The following PLD1 variants were observed in gnomAD, a reference collection of about 807,000 sequenced individuals.
PLD1 encodes the protein phospholipase D1.
PLD1 carries 112 observed loss-of-function variants against 137.1 expected under a neutral mutation model. The observed-to-expected ratio is 0.82, with a 90% CI of 0.70 to 0.96. PLD1 has a LOEUF of 0.96. Among genes scored for constraint, PLD1 ranks in the 40% least tolerant of loss-of-function variants. The pLI, the probability that PLD1 is intolerant of heterozygous loss-of-function variation, is 0.00. For missense variants in PLD1, 1,321 were observed against 1,342.0 expected (o/e 0.98, Z 0.24); for synonymous variants, 431 against 454.7 (o/e 0.95, Z 0.66).
At chr3:171,648,716 G>A (rs1055198620) in intron 21 of PLD1, among the ~76,000 whole-genome samples, 6 of 151,932 alleles carry the variant, frequency 3.9e-5, no homozygotes, top group South Asian at 2.1e-4. Flanking sequence ...CACCACGCCC[G>A]GCTAATTTTT....
intron 1 of PLD1, among the ~76,000 whole-genome samples, chr3:171,746,282 C>T (rs1212917529): frequency 2.0e-5 from 3 of 152,206 alleles, no homozygotes; most frequent in African/African-American, 7.2e-5. Context: ...GCGGGACTGG[C>T]GGGCAGCTCA....
intron 1 of PLD1, among the ~76,000 whole-genome samples, chr3:171,742,450 C>T (rs750353399): frequency 1.3e-5 from 2 of 151,784 alleles, no homozygotes; most frequent in South Asian, 2.1e-4. Context: ...AACATAGTTA[C>T]GATTTACTTA....
chr3:171,738,139 T>C (rs1371743487), intron 1 of PLD1, 57 bp from the exon 2 acceptor site: 3 of 1,040,824 alleles, frequency 2.9e-6, no homozygotes, highest in Non-Finnish European at 4.2e-6. Context: ...TAAAATGCTA[T>C]TCCACAATTT....
intron 8 of PLD1, among the ~76,000 whole-genome samples, chr3:171,722,741 G>T (rs1016872250): frequency 4.6e-5 from 7 of 152,120 alleles, no homozygotes; most frequent in Non-Finnish European, 2.9e-5. Flanking sequence ...CAATGCGATG[G>T]TTTTTAGCAT....
intron 21 of PLD1, among the ~76,000 whole-genome samples, chr3:171,649,164 G>A (rs1736516215): frequency 6.6e-6 from 1 of 151,932 alleles, no homozygotes; most frequent in South Asian, 2.1e-4. Flanking sequence ...GTATGATATT[G>A]AGAAATGTCC....
At chr3:171,675,462 T>C (rs868445560) in intron 18 of PLD1, among the ~76,000 whole-genome samples, 1 of 152,350 alleles carries the variant, frequency 6.6e-6, no homozygotes, top group Middle Eastern at 3.4e-3. Flanking sequence ...AAATAGTTTT[T>C]CTGGATCAAA....
In PLD1 at chr3:171,603,067, A is replaced by G. The variant is rs1304368752; in HGVS notation, c.*11T>C. On this transcript the variant is annotated 3_prime_UTR_variant, in exon 27 of 27. Transcript: ENST00000351298. ...CAGGGTGGAAGTCTTTGAGCTGCCA[A>G]TGAATATCTCTTAAGTCCAAACCTC... 5.0e-6 allele frequency: 8 copies of G among 1,596,930 alleles called. No individual in the cohort carries two copies. The South Asian group carries it at 5.5e-5, about 11-fold the overall frequency.
At chr3:171,738,847 T>C (rs1046968853) in intron 1 of PLD1, among the ~76,000 whole-genome samples, 2 of 152,222 alleles carry the variant, frequency 1.3e-5, no homozygotes, top group African/African-American at 4.8e-5. Context: ...ATGGATATTA[T>C]TTTTCATGTA....
At chr3:171,745,880 AG>A (rs778904328) in intron 1 of PLD1, among the ~76,000 whole-genome samples, 16 of 151,306 alleles carry the variant, frequency 1.1e-4, no homozygotes, top group Non-Finnish European at 1.5e-4. Context: ...GCTTGCAGGG[AG>A]GTGTGGAGGG....
chr3:171,730,646 C>CTTTTTTTTTT (rs35101789), intron 6 of PLD1, among the ~76,000 whole-genome samples: 28,493 of 133,418 alleles, frequency 0.21, 3,779 homozygotes, highest in Non-Finnish European at 0.27. Context: ...TCTATCTCCA[C>CTTTTTTTTTT]TTTTTTTTTT....
intron 1 of PLD1, among the ~76,000 whole-genome samples, chr3:171,745,887 G>A (rs1720120234): frequency 6.6e-6 from 1 of 152,050 alleles, no homozygotes; most frequent in Admixed American, 6.5e-5. Flanking sequence ...GGGAGGTGTG[G>A]AGGGAGAGAC....
chr3:171,632,797 G>A (rs1734785452), intron 23 of PLD1, among the ~76,000 whole-genome samples: 1 of 152,116 alleles, frequency 6.6e-6, no homozygotes, highest in African/African-American at 2.4e-5. Flanking sequence ...GCAGCTTGAA[G>A]GTTTAGGACA....
At chr3:171,804,486 T>C (rs1350453671) in intron 1 of PLD1, among the ~76,000 whole-genome samples, 1 of 152,246 alleles carries the variant, frequency 6.6e-6, no homozygotes, top group African/African-American at 2.4e-5. Flanking sequence ...AGTTCACATC[T>C]ATTGTACACT....
At chr3:171,669,581 T>C (rs1712532527) in intron 19 of PLD1, among the ~76,000 whole-genome samples, 1 of 152,210 alleles carries the variant, frequency 6.6e-6, no homozygotes. Context: ...TTTGTATTTT[T>C]AGTAGGACGG....
intron 1 of PLD1, among the ~76,000 whole-genome samples, chr3:171,740,930 T>C (rs1367632508): frequency 2.6e-5 from 4 of 152,236 alleles, no homozygotes; most frequent in African/African-American, 9.6e-5. Flanking sequence ...GCAGATTTTG[T>C]CTGGCTCTAA....
chr3:171,638,237 A>AT (rs1460424994), intron 23 of PLD1, among the ~76,000 whole-genome samples: 2 of 151,974 alleles, frequency 1.3e-5, no homozygotes, highest in African/African-American at 4.8e-5. Context: ...CTTACCATGA[A>AT]TGAAGTTGCT....
chr3:171,734,034 G>A (rs1421305217), intron 5 of PLD1, among the ~76,000 whole-genome samples: 3 of 152,130 alleles, frequency 2.0e-5, no homozygotes, highest in African/African-American at 4.8e-5. Context: ...GGGCACTGGA[G>A]CAACATATGT....
At chr3:171,762,535 G>A (rs758131193) in intron 1 of PLD1, among the ~76,000 whole-genome samples, 6 of 152,134 alleles carry the variant, frequency 3.9e-5, no homozygotes, top group East Asian at 3.9e-4. Flanking sequence ...GAAGTGTAGC[G>A]GGGACCCAGA....
intron 23 of PLD1, among the ~76,000 whole-genome samples, chr3:171,623,967 T>C (rs1198488526): frequency 7.1e-6 from 1 of 140,122 alleles, no homozygotes; most frequent in Non-Finnish European, 1.5e-5. Context: ...ATACTTCAAA[T>C]GTAAGAAAGA....
Sources: allele counts gnomAD v4.1 joint callset (sites outside exome capture counted in the v4.1 genomes callset), GRCh38; gene constraint gnomAD v4.1.1; transcripts MANE v1.5; gene names NCBI Gene and HGNC (gene_info 2026-07-23, HGNC 2026-07-21).